The following NRXN1 variants were observed in gnomAD, a reference collection of about 807,000 sequenced individuals.
NRXN1 encodes the protein neurexin 1.
A neutral mutation model predicts 150.9 loss-of-function variants in NRXN1; 39 were observed. The observed-to-expected ratio is 0.26, with a 90% CI of 0.20 to 0.34. The LOEUF (loss-of-function observed/expected upper bound fraction) is 0.34. Among genes scored for constraint, NRXN1 ranks in the 10% least tolerant of loss-of-function variants. The probability of loss-of-function intolerance (pLI) is 1.00; values close to 1 mark genes in which losing one functional copy is unlikely to be tolerated. For synonymous variants in NRXN1, 924 were observed against 757.0 expected, an observed-to-expected ratio of 1.22 and a Z score of -3.62; for missense variants, 1,815 against 1,949.9, an observed-to-expected ratio of 0.93 and a Z score of 1.30.
At chr2:50,844,211 C>T (rs1673293621) in intron 5 of NRXN1, among the ~76,000 whole-genome samples, 1 of 152,142 alleles carries the variant, frequency 6.6e-6, no homozygotes. Flanking sequence ...ATAAGTCCTT[C>T]CCCCAGTTCC....
At chr2:50,768,288 C>T (rs1306214743) in intron 5 of NRXN1, among the ~76,000 whole-genome samples, 1 of 151,990 alleles carries the variant, frequency 6.6e-6, no homozygotes, top group Non-Finnish European at 1.5e-5. Context: ...AAGAGACACA[C>T]CTTGGTCAAA....
At chr2:50,530,807 C>T (rs2093080632) in intron 11 of NRXN1, among the ~76,000 whole-genome samples, 1 of 152,138 alleles carries the variant, frequency 6.6e-6, no homozygotes, top group Non-Finnish European at 1.5e-5. Context: ...ATCTAGATAA[C>T]AAAGCAGAAA....
intron 12 of NRXN1, among the ~76,000 whole-genome samples, chr2:50,522,720 ATTT>A (rs869200431): frequency 2.1e-3 from 101 of 47,660 alleles, no homozygotes; most frequent in African/African-American, 5.0e-3. Context: ...ATTTTTATTC[ATTT>A]TTTTTTTTTT....
At chr2:50,455,938 C>G (rs2087513807) in intron 17 of NRXN1, among the ~76,000 whole-genome samples, 2 of 152,210 alleles carry the variant, frequency 1.3e-5, no homozygotes, top group African/African-American at 2.4e-5. Context: ...CCCTGAACTG[C>G]TGGAATCCAG....
intron 17 of NRXN1, among the ~76,000 whole-genome samples, chr2:50,411,560 C>T (rs377069933): frequency 2.6e-5 from 4 of 151,864 alleles, no homozygotes; most frequent in Non-Finnish European, 5.9e-5. Flanking sequence ...TGCCCGGCTG[C>T]GACCCCGTCT....
At chr2:50,567,100 G>C (rs139792916) in intron 8 of NRXN1, among the ~76,000 whole-genome samples, 161 of 152,190 alleles carry the variant, frequency 1.1e-3, no homozygotes, top group African/African-American at 3.8e-3. Context: ...CTCTGATTTA[G>C]TGTCACACTT....
chr2:50,800,527 T>C (rs183384480), intron 5 of NRXN1, among the ~76,000 whole-genome samples: 1 of 152,294 alleles, frequency 6.6e-6, no homozygotes, highest in African/African-American at 2.4e-5. Flanking sequence ...ACCTATGGAA[T>C]AGCTATAAAA....
At chr2:50,499,880 G>A (rs1260896737) in intron 13 of NRXN1, among the ~76,000 whole-genome samples, 3 of 150,914 alleles carry the variant, frequency 2.0e-5, no homozygotes, top group Non-Finnish European at 4.4e-5. Context: ...CCTGGGAGGC[G>A]GAGGTTGCAG....
intron 12 of NRXN1, among the ~76,000 whole-genome samples, chr2:50,518,610 T>C (rs532728019): frequency 4.0e-4 from 60 of 151,258 alleles, no homozygotes; most frequent in Non-Finnish European, 6.9e-4. Flanking sequence ...TGTAAACTGA[T>C]ATTCCATAAA....
chr2:50,896,095 T>C (rs774824229), intron 5 of NRXN1, among the ~76,000 whole-genome samples: 2 of 152,078 alleles, frequency 1.3e-5, no homozygotes, highest in Admixed American at 1.3e-4. Flanking sequence ...AGGCACAAGA[T>C]AGTAGAGGGG....
chr2:50,044,148 A>G (rs1025072756), intron 21 of NRXN1, among the ~76,000 whole-genome samples: 2 of 152,222 alleles, frequency 1.3e-5, no homozygotes, highest in Admixed American at 6.5e-5. Context: ...TAAAGTTCTC[A>G]TTGTTATTGC....
At chr2:50,022,966 T>C (rs1268414891) in intron 21 of NRXN1, 1 of 152,202 alleles carries the variant, frequency 6.6e-6, no homozygotes, top group Non-Finnish European at 1.5e-5. Context: ...TTCCCAATTG[T>C]TGCTGAAATT....
chr2:50,017,730 C>A (rs1686897283), intron 21 of NRXN1, among the ~76,000 whole-genome samples: 1 of 147,858 alleles, frequency 6.8e-6, no homozygotes, highest in African/African-American at 2.5e-5. Flanking sequence ...AATGACTCAT[C>A]AATTCATACA....
At chr2:50,396,504 G>A (rs1043133649) in intron 17 of NRXN1, among the ~76,000 whole-genome samples, 2 of 152,114 alleles carry the variant, frequency 1.3e-5, no homozygotes, top group African/African-American at 4.8e-5. Context: ...ACTAGGTAGT[G>A]AATTTTTTGT....
chr2:50,846,490 C>T (rs909273938), intron 5 of NRXN1, among the ~76,000 whole-genome samples: 3 of 151,724 alleles, frequency 2.0e-5, no homozygotes, highest in Non-Finnish European at 4.4e-5. Flanking sequence ...CTGTGTTTGT[C>T]TTACTGTCTC....
At chr2:50,299,896 C>A (rs980057216) in intron 17 of NRXN1, among the ~76,000 whole-genome samples, 8 of 152,016 alleles carry the variant, frequency 5.3e-5, no homozygotes, top group Admixed American at 1.3e-4. Flanking sequence ...AAGAAAGAGT[C>A]AAGTAATGAA....
At chr2:50,043,931 A>G (rs1691409624) in intron 21 of NRXN1, among the ~76,000 whole-genome samples, 1 of 152,080 alleles carries the variant, frequency 6.6e-6, no homozygotes, top group Admixed American at 6.6e-5. Flanking sequence ...GTGAATCTGT[A>G]GTGTCTAGAA....
intron 21 of NRXN1, among the ~76,000 whole-genome samples, chr2:49,993,003 T>C (rs1172796402): frequency 2.0e-5 from 3 of 152,226 alleles, no homozygotes; most frequent in Non-Finnish European, 2.9e-5. Context: ...AGTTTGGCAG[T>C]TTCTAACAAA....
At chr2:50,777,209 A>G (rs551048337) in intron 5 of NRXN1, among the ~76,000 whole-genome samples, 1 of 152,122 alleles carries the variant, frequency 6.6e-6, no homozygotes, top group Non-Finnish European at 1.5e-5. Flanking sequence ...TTAACGGCCA[A>G]AAAAAGCCTC....
Sources: allele counts gnomAD v4.1 joint callset (sites outside exome capture counted in the v4.1 genomes callset), GRCh38; gene constraint gnomAD v4.1.1; transcripts MANE v1.5; gene names NCBI Gene and HGNC (gene_info 2026-07-23, HGNC 2026-07-21).